The following PDSS2 variants were observed in gnomAD, a reference collection of about 807,000 sequenced individuals.
PDSS2 encodes all trans-polyprenyl-diphosphate synthase PDSS2.
Under a neutral mutation model 44.5 loss-of-function variants are expected in PDSS2, and 31 were observed. The ratio of observed to expected loss-of-function variants is 0.70; its 90% confidence interval spans 0.52 to 0.94. The LOEUF (loss-of-function observed/expected upper bound fraction) is 0.94. PDSS2 is among the 40% of genes least tolerant of loss of function. The probability of loss-of-function intolerance (pLI) is 0.00; values close to 1 mark genes in which losing one functional copy is unlikely to be tolerated. For synonymous variants in PDSS2, 157 were observed against 180.3 expected (o/e 0.87, Z 1.03); for missense variants, 452 against 482.2 (o/e 0.94, Z 0.59).
intron 2 of PDSS2, among the ~76,000 whole-genome samples, chr6:107,285,819 T>C (rs554321437): frequency 7.9e-5 from 12 of 152,240 alleles, no homozygotes; most frequent in African/African-American, 1.4e-4. Flanking sequence ...CAAAACAGAA[T>C]AGGAACTCAG....
intron 3 of PDSS2, among the ~76,000 whole-genome samples, chr6:107,268,784 C>T (rs1775493148): frequency 6.6e-6 from 1 of 152,106 alleles, no homozygotes; most frequent in African/African-American, 2.4e-5. Context: ...TCTCTTTCTA[C>T]AGGTTCTAAG....
At chr6:107,190,360 C>T (rs993924309) in intron 7 of PDSS2, among the ~76,000 whole-genome samples, 2 of 152,176 alleles carry the variant, frequency 1.3e-5, no homozygotes, top group Non-Finnish European at 2.9e-5. Context: ...CCCCAACTTA[C>T]TGCGTGTGTT....
intron 1 of PDSS2, 38 bp downstream of exon 1, chr6:107,458,952 A>G (rs763595042): frequency 2.5e-5 from 40 of 1,602,824 alleles, no homozygotes; most frequent in Non-Finnish European, 3.2e-5. Context: ...AAGTATTCCA[A>G]TGAGTGCGAG....
intron 7 of PDSS2, 116 bp from the exon 8 acceptor site, chr6:107,154,893 G>C: frequency 1.1e-6 from 1 of 895,096 alleles, no homozygotes; most frequent in Non-Finnish European, 1.8e-6. Context: ...TATAGATTGA[G>C]TATTTCTGCT....
chr6:107,321,228 C>A (rs553680024), intron 2 of PDSS2, among the ~76,000 whole-genome samples: 28 of 152,084 alleles, frequency 1.8e-4, no homozygotes, highest in Middle Eastern at 3.4e-3. Context: ...AGCAAAGGAA[C>A]AAATCTAGCA....
intron 4 of PDSS2, among the ~76,000 whole-genome samples, chr6:107,226,448 G>A (rs1284376351): frequency 1.3e-5 from 2 of 152,164 alleles, no homozygotes; most frequent in Non-Finnish European, 2.9e-5. Flanking sequence ...CATGACACTT[G>A]AGCTGACAAA....
At chr6:107,169,164 CTTTG>C (rs1339169757) in intron 7 of PDSS2, among the ~76,000 whole-genome samples, 12 of 152,166 alleles carry the variant, frequency 7.9e-5, no homozygotes, top group South Asian at 2.1e-4. Context: ...TTCTCGGAGG[CTTTG>C]TTTGTTTATT....
At chr6:107,388,673 T>C (rs1235550594) in intron 1 of PDSS2, among the ~76,000 whole-genome samples, 1 of 152,186 alleles carries the variant, frequency 6.6e-6, no homozygotes, top group Non-Finnish European at 1.5e-5. Context: ...TTAGCCAGGA[T>C]GGTCTCCATC....
intron 2 of PDSS2, among the ~76,000 whole-genome samples, chr6:107,321,644 T>C (rs1777385377): frequency 6.6e-6 from 1 of 152,196 alleles, no homozygotes; most frequent in Admixed American, 6.6e-5. Context: ...ACTGTTCCTT[T>C]GAAACCAGCT....
chr6:107,285,985 C>T (rs911738512), intron 2 of PDSS2, among the ~76,000 whole-genome samples: 8 of 151,684 alleles, frequency 5.3e-5, no homozygotes, highest in South Asian at 4.2e-4. Flanking sequence ...ACTAAAAATA[C>T]GAAAATTAGC....
intron 6 of PDSS2, among the ~76,000 whole-genome samples, chr6:107,198,695 C>A (rs1172700554): frequency 6.6e-6 from 1 of 152,090 alleles, no homozygotes; most frequent in Non-Finnish European, 1.5e-5. Flanking sequence ...GTGGCTCATG[C>A]CGGTAATTCC....
At chr6:107,363,320 C>T (rs1377332694) in intron 1 of PDSS2, among the ~76,000 whole-genome samples, 8 of 152,180 alleles carry the variant, frequency 5.3e-5, no homozygotes, top group South Asian at 2.1e-4. Context: ...CAGACCCTCG[C>T]GGTGAGTCTT....
chr6:107,271,641 G>A (rs1473940350), intron 3 of PDSS2, among the ~76,000 whole-genome samples: 3 of 152,320 alleles, frequency 2.0e-5, no homozygotes, highest in South Asian at 2.1e-4. Context: ...TTGTGTCTGA[G>A]TGCACTTTAC....
chr6:107,418,292 G>C (rs1293858629), intron 1 of PDSS2, among the ~76,000 whole-genome samples: 1 of 152,212 alleles, frequency 6.6e-6, no homozygotes, highest in Non-Finnish European at 1.5e-5. Flanking sequence ...TGTGAGGACA[G>C]AGCAAAGAGT....
chr6:107,429,895 AAAAAAAATAT>A (rs1392144107), intron 1 of PDSS2, among the ~76,000 whole-genome samples: 3 of 41,626 alleles, frequency 7.2e-5, no homozygotes, highest in East Asian at 2.0e-3. Flanking sequence ...AAAAAAAAAA[AAAAAAAATAT>A]ATATATATAT....
rs376939029 is a variant in PDSS2 at position 107,392,330 on chromosome 6, T to C, written c.297-57998A>G. ...TGGCTGCCTATTTTGAGTTAACCCA[T>C]AGAAAATAAAACAGTCAGATACTGC... On this transcript the variant is annotated intron_variant, in intron 1 of 7. Coordinates refer to ENST00000369037, the MANE Select transcript of PDSS2 (RefSeq NM_020381.4). Among the ~76,000 whole-genome samples the C allele has an allele frequency of 4.6e-5, 7 of 152,278 alleles. No homozygotes were observed. In the East Asian group the frequency reaches 7.7e-4, roughly 17 times the overall value.
chr6:107,420,985 TAAACTCCGCAGTAAGG>T (rs1349520759), intron 1 of PDSS2, among the ~76,000 whole-genome samples: 1 of 152,170 alleles, frequency 6.6e-6, no homozygotes, highest in Non-Finnish European at 1.5e-5. Flanking sequence ...AAGAATTCTC[TAAACTCCGCAGTAAGG>T]AAACAAACAG....
At chr6:107,186,420 C>T (rs1772166553) in intron 7 of PDSS2, among the ~76,000 whole-genome samples, 1 of 152,028 alleles carries the variant, frequency 6.6e-6, no homozygotes, top group Admixed American at 6.5e-5. Context: ...CTGAAACCGA[C>T]AAAATTGAGT....
chr6:107,458,889 T>G (rs1562556181), intron 1 of PDSS2, 101 bp downstream of exon 1: 4 of 1,019,444 alleles, frequency 3.9e-6, no homozygotes, highest in Non-Finnish European at 6.0e-6. Flanking sequence ...TAAAAAGAGA[T>G]AAATCAGGAG....
Sources: gnomAD v4.1 joint callset for allele counts (sites outside exome capture counted in the v4.1 genomes callset) on GRCh38, gnomAD v4.1.1 for gene constraint, MANE v1.5 for transcripts, NCBI Gene and HGNC (gene_info 2026-07-23, HGNC 2026-07-21) for gene names.